Variants in CUX1 observed in about 807,000 individuals in gnomAD.
CUX1 encodes the protein protein CASP.
A neutral mutation model predicts 158.8 loss-of-function variants in CUX1; 31 were observed. The observed-to-expected ratio is 0.20, with a 90% confidence interval of 0.15 to 0.26. The LOEUF (loss-of-function observed/expected upper bound fraction) is 0.26. Ranked by LOEUF, CUX1 falls within the 10% of genes least tolerant of loss-of-function variation. CUX1 has a pLI of 1.00. For synonymous variants in CUX1, 879 were observed against 862.1 expected (o/e 1.02, Z -0.34); for missense variants, 1,589 against 2,014.6 (o/e 0.79, Z 4.04).
rs115107707 is a variant in CUX1, at chr7:102,275,398, C to T, written c.1563+39C>T. 7.6e-4 allele frequency: 1,148 copies of T among 1,513,636 alleles called. 6 individuals carry two copies. In the African/African-American group the frequency reaches 0.014, roughly 18 times the overall value. 93.8% of individuals were successfully genotyped at this position (1,513,636 alleles called of 1,614,324 possible). A position where few individuals can be genotyped will look rare whatever the true frequency, so the allele number is the denominator to read the frequency against. On this transcript the variant is annotated intron_variant, in intron 17 of 22. Transcript: ENST00000292538. ...TTCTCTCCCTGATGCTCCTTGGGCC[C>T]AAGGACACAGTTGGGGAACACACAG...
At chr7:101,952,925 G>A (rs940598985) in intron 2 of CUX1, among the ~76,000 whole-genome samples, 4 of 152,178 alleles carry the variant, frequency 2.6e-5, no homozygotes, top group Non-Finnish European at 4.4e-5. Flanking sequence ...GGGCTCTGTC[G>A]GGACATTTTA....
chr7:102,113,879 T>G (rs1831192381), intron 7 of CUX1, among the ~76,000 whole-genome samples: 2 of 152,094 alleles, frequency 1.3e-5, no homozygotes, highest in Non-Finnish European at 2.9e-5. Flanking sequence ...TTAAAAAAAA[T>G]ATAGCAATTC....
In CUX1 at chr7:102,168,918, C is replaced by CTTTTTTTTTTTT. The variant is rs1239519322; in HGVS notation, c.724-1524_724-1523insTTTTTTTTTTTT. Among the ~76,000 whole-genome samples, 24 of 84,130 alleles carry CTTTTTTTTTTTT rather than the reference C, an allele frequency of 2.9e-4. 2 individuals carry two copies. The highest frequency in any genetic ancestry group is 6.9e-4 in the African/African-American group (10 of 14,462). The allele number at this position is 84,130 out of a possible 152,430, so 55.2% of individuals were successfully genotyped here. ...CTTTTCTTTTCTTTTCTTTTATTTT[C>CTTTTTTTTTTTT]TTTTCTTTTCTTTTATTTTCTTTTT... On this transcript the variant is annotated intron_variant, in intron 9 of 23. Transcript: ENST00000292535.
chr7:101,827,386 G>T lies in CUX1; in HGVS notation c.30+9717G>T, dbSNP rs545551596. The stretch of plus-strand genomic sequence containing the variant: ...AGTGACATAATCATAGCTGACTGCA[G>T]CCTGGACATCCGGGGCTCAAGCAGT... On this transcript the variant is annotated intron_variant, in intron 1 of 23. Coordinates refer to ENST00000292535, the MANE Select transcript of CUX1 (RefSeq NM_181552.4). 2.6e-5 allele frequency among the ~76,000 whole-genome samples: 4 copies of T among 152,090 alleles called. No homozygotes were observed. In the South Asian group the frequency reaches 8.3e-4, roughly 32 times the overall value.
intron 8 of CUX1, among the ~76,000 whole-genome samples, chr7:102,117,189 G>A (rs1831517230): frequency 1.3e-5 from 2 of 152,090 alleles, no homozygotes; most frequent in Admixed American, 1.3e-4. Context: ...CCTGAGGTCA[G>A]GTGTTCGAGA....
rs1035003800 is a variant in CUX1 at position 102,198,714 on chromosome 7, C to A, written c.1895-88C>A. Reference sequence around the variant, plus strand: ...CCTGAGCCCTTTCTTTAGTGACAGGCGGCTCAGATTTCATGTCACACAGCC... The same window carrying A: ...CCTGAGCCCTTTCTTTAGTGACAGGAGGCTCAGATTTCATGTCACACAGCC... On this transcript the variant is annotated intron_variant, in intron 15 of 23. Transcript: ENST00000292535. 7 of 1,157,244 alleles carry A rather than the reference C, an allele frequency of 6.0e-6. No individual in the cohort carries two copies. The Admixed American group carries it at 7.1e-5, about 12-fold the overall frequency. 71.7% of individuals were successfully genotyped at this position (1,157,244 alleles called of 1,614,324 possible).
At chr7:101,975,219 C>T in intron 2 of CUX1, among the ~76,000 whole-genome samples, 1 of 151,678 alleles carries the variant, frequency 6.6e-6, no homozygotes, top group South Asian at 2.1e-4. Flanking sequence ...CCACTGTACT[C>T]CAGCCTGGGC....
chr7:102,197,386 C>CT, intron 15 of CUX1, 81 bp downstream of exon 15: 5 of 1,443,034 alleles, frequency 3.5e-6, no homozygotes, highest in Non-Finnish European at 4.8e-6. Flanking sequence ...GTGCGTGTGT[C>CT]TGTGTGCGTG....
chr7:102,171,572 C>G (rs973546962), intron 10 of CUX1, among the ~76,000 whole-genome samples: 1 of 151,734 alleles, frequency 6.6e-6, no homozygotes, highest in Admixed American at 6.6e-5. Flanking sequence ...CTCAACCTCC[C>G]GAGTAGCTGG....
At chr7:101,998,168 G>GTGCCCCC (rs910717217) in intron 2 of CUX1, among the ~76,000 whole-genome samples, 3 of 152,192 alleles carry the variant, frequency 2.0e-5, no homozygotes, top group African/African-American at 7.2e-5. Context: ...TGGCAGGGCT[G>GTGCCCCC]TGCCCGGGCT....
intron 8 of CUX1, among the ~76,000 whole-genome samples, chr7:102,144,615 G>C (rs1834828874): frequency 1.3e-5 from 2 of 148,196 alleles, no homozygotes; most frequent in South Asian, 4.2e-4. Flanking sequence ...AGGCTGCAGT[G>C]AGCTATGATC....
At chr7:102,230,920 G>A (rs1370952812) in intron 21 of CUX1, among the ~76,000 whole-genome samples, 2 of 152,010 alleles carry the variant, frequency 1.3e-5, no homozygotes, top group Non-Finnish European at 2.9e-5. Flanking sequence ...GAGTGCAGTG[G>A]CACGATCATA....
rs372196312 is a variant in CUX1 at position 102,057,118 on chromosome 7, G to T, written c.190-13221G>T. 4.8e-4 allele frequency among the ~76,000 whole-genome samples: 73 copies of T among 151,470 alleles called. 1 individual carries two copies. Among genetic ancestry groups the T allele is most frequent in the African/African-American group, 1.6e-3 (67 of 41,290 alleles). ...GAGTTTCACTGTGTTAGCCAGGATGGTCTCGATCTCCTGACCTCGTGATCC... is the reference window on the plus strand; with the variant it reads ...GAGTTTCACTGTGTTAGCCAGGATGTTCTCGATCTCCTGACCTCGTGATCC... On this transcript the variant is annotated intron_variant, in intron 3 of 23. Transcript: ENST00000292535.
chr7:102,182,395 C>T (rs1296347820), intron 11 of CUX1, among the ~76,000 whole-genome samples: 1 of 152,190 alleles, frequency 6.6e-6, no homozygotes, highest in Non-Finnish European at 1.5e-5. Flanking sequence ...TTTCTCTAAC[C>T]CATTGAAATT....
chr7:102,113,000 TCAC>T, intron 7 of CUX1, among the ~76,000 whole-genome samples: 1 of 151,994 alleles, frequency 6.6e-6, no homozygotes, highest in African/African-American at 2.4e-5. Flanking sequence ...GAGAAAATAA[TCAC>T]CACAAATTTG....
chr7:101,824,601 G>C (rs1221336678), intron 1 of CUX1: 5 of 152,246 alleles, frequency 3.3e-5, no homozygotes, highest in Admixed American at 2.0e-4. Context: ...TGCAGTGAGG[G>C]AAGGGCCGGC....
intron 3 of CUX1, among the ~76,000 whole-genome samples, chr7:102,058,992 C>G (rs1272386971): frequency 6.6e-6 from 1 of 152,232 alleles, no homozygotes; most frequent in Non-Finnish European, 1.5e-5. Flanking sequence ...GCCAGCACCT[C>G]CTTCCTCTGA....
chr7:101,973,053 C>T (rs1371296907), intron 2 of CUX1, among the ~76,000 whole-genome samples: 2 of 152,102 alleles, frequency 1.3e-5, no homozygotes, highest in African/African-American at 4.8e-5. Flanking sequence ...TTCAGGCAGC[C>T]GAAATCCCCG....
At chr7:102,179,193 G>T (rs1365260417) in intron 11 of CUX1, among the ~76,000 whole-genome samples, 1 of 152,106 alleles carries the variant, frequency 6.6e-6, no homozygotes, top group African/African-American at 2.4e-5. Context: ...GACTACAGGC[G>T]CCTGCCACCA....
Sources: allele counts gnomAD v4.1 joint callset (sites outside exome capture counted in the v4.1 genomes callset), GRCh38; gene constraint gnomAD v4.1.1; transcripts MANE v1.5; gene names NCBI Gene and HGNC (gene_info 2026-07-23, HGNC 2026-07-21).